Variants in SOX5 observed in about 807,000 individuals in gnomAD.
SOX5 encodes the protein SRY-box transcription factor 5, also known as transcription factor SOX-5.
Under a neutral mutation model 92.0 loss-of-function variants are expected in SOX5, and 9 were observed. That is an observed-to-expected ratio of 0.10 (90% CI 0.06 to 0.17). The LOEUF is 0.17. Ranked by LOEUF, SOX5 falls within the 10% of genes least tolerant of loss-of-function variation. The probability of loss-of-function intolerance (pLI) is 1.00; values close to 1 mark genes in which losing one functional copy is unlikely to be tolerated. For synonymous variants in SOX5, 344 were observed against 336.3 expected (o/e 1.02, Z -0.25); for missense variants, 642 against 944.5 (o/e 0.68, Z 4.20).
At chr12:24,538,496 C>T (rs1951835483) in intron 1 of SOX5, among the ~76,000 whole-genome samples, 1 of 151,930 alleles carries the variant, frequency 6.6e-6, no homozygotes, top group African/African-American at 2.4e-5. Context: ...CTATGTTCGC[C>T]GGTCAGATCA....
chr12:23,586,633 C>A (rs1028344146), intron 9 of SOX5, among the ~76,000 whole-genome samples: 21 of 144,330 alleles, frequency 1.5e-4, no homozygotes, highest in Non-Finnish European at 2.6e-4. Context: ...TTCTGTGAAT[C>A]CTTAGACCAC....
At chr12:24,095,141 AGAGAGAG>A (rs1569540866) in intron 4 of SOX5, among the ~76,000 whole-genome samples, 37 of 150,036 alleles carry the variant, frequency 2.5e-4, no homozygotes, top group African/African-American at 8.8e-4. Context: ...AGAGAGAGAG[AGAGAGAG>A]AGAGAGAGAC....
intron 13 of SOX5, among the ~76,000 whole-genome samples, chr12:23,540,845 T>C (rs1941876835): frequency 6.6e-6 from 1 of 152,204 alleles, no homozygotes; most frequent in Non-Finnish European, 1.5e-5. Context: ...CAGAATGAAT[T>C]AGCGGCATGC....
chr12:24,246,502 T>G (rs962364306), intron 3 of SOX5, among the ~76,000 whole-genome samples: 10 of 152,292 alleles, frequency 6.6e-5, no homozygotes, highest in African/African-American at 2.4e-4. Flanking sequence ...ATCAACTTTT[T>G]TTTTTTAATT....
chr12:24,428,921 A>G (rs12827962), intron 1 of SOX5, among the ~76,000 whole-genome samples: 19,472 of 152,032 alleles, frequency 0.13, 1,570 homozygotes, highest in Non-Finnish European at 0.18. Flanking sequence ...CTTATTAAGT[A>G]TGTGATCTTG....
intron 3 of SOX5, among the ~76,000 whole-genome samples, chr12:23,815,247 C>G (rs2095966054): frequency 6.6e-6 from 1 of 152,086 alleles, no homozygotes; most frequent in South Asian, 2.1e-4. Flanking sequence ...GAAATAAACA[C>G]CGGATAATTC....
intron 10 of SOX5, among the ~76,000 whole-genome samples, chr12:23,569,064 G>T (rs781752878): frequency 1.3e-5 from 2 of 152,128 alleles, no homozygotes; most frequent in Non-Finnish European, 2.9e-5. Context: ...GGTGGTGCTT[G>T]CCTGTAGTCC....
At chr12:23,890,875 A>G (rs1305897231) in intron 2 of SOX5, among the ~76,000 whole-genome samples, 1 of 152,210 alleles carries the variant, frequency 6.6e-6, no homozygotes, top group African/African-American at 2.4e-5. Flanking sequence ...ACTACCAATA[A>G]GAATAAAGCT....
intron 8 of SOX5, among the ~76,000 whole-genome samples, chr12:23,618,989 C>T (rs1266286134): frequency 6.6e-6 from 1 of 152,144 alleles, no homozygotes; most frequent in Admixed American, 6.5e-5. Flanking sequence ...AGTAGCAGAA[C>T]TCAACGCTCC....
intron 2 of SOX5, among the ~76,000 whole-genome samples, chr12:23,893,702 G>C (rs2097151120): frequency 6.6e-6 from 1 of 152,174 alleles, no homozygotes; most frequent in South Asian, 2.1e-4. Flanking sequence ...AAAGAGGACA[G>C]TGATGAAAGT....
intron 3 of SOX5, among the ~76,000 whole-genome samples, chr12:24,240,786 A>G (rs1206588699): frequency 6.6e-6 from 1 of 152,196 alleles, no homozygotes; most frequent in Admixed American, 6.5e-5. Context: ...TTACTATCAA[A>G]CAATATCTAC....
chr12:23,629,814 T>C (rs1425869917), intron 8 of SOX5, among the ~76,000 whole-genome samples: 2 of 152,018 alleles, frequency 1.3e-5, no homozygotes, highest in Non-Finnish European at 2.9e-5. Flanking sequence ...GATTCATCTT[T>C]GCATTTCTTA....
intron 1 of SOX5, among the ~76,000 whole-genome samples, chr12:24,437,561 A>G (rs1010366319): frequency 1.3e-5 from 2 of 152,200 alleles, no homozygotes; most frequent in Non-Finnish European, 2.9e-5. Context: ...AATATCCAGA[A>G]TCTACAAAGA....
intron 6 of SOX5, among the ~76,000 whole-genome samples, chr12:23,720,167 C>T (rs1317119647): frequency 6.6e-6 from 1 of 151,880 alleles, no homozygotes; most frequent in South Asian, 2.1e-4. Flanking sequence ...TGTTACAGCA[C>T]AAAACAGAAA....
chr12:24,073,152 C>A (rs1261916476), intron 4 of SOX5, among the ~76,000 whole-genome samples: 3 of 152,138 alleles, frequency 2.0e-5, no homozygotes, highest in Non-Finnish European at 4.4e-5. Context: ...AGGAAGGCAA[C>A]CACAGGCAAG....
intron 4 of SOX5, among the ~76,000 whole-genome samples, chr12:24,094,727 C>T (rs1047733294): frequency 3.3e-5 from 5 of 152,248 alleles, no homozygotes; most frequent in African/African-American, 1.2e-4. Flanking sequence ...TACTGAGCAA[C>T]CCATACTTTC....
In SOX5 at chr12:24,517,875, C is replaced by T. The variant is rs530905019; in HGVS notation, c.-251+44454G>A. The stretch of plus-strand genomic sequence containing the variant: ...ATGGACCTCTACAAAAATTTTGAAA[C>T]CTTCTTTATACCAATTCCTACTATT... On this transcript the variant is annotated intron_variant, in intron 1 of 4. Transcript: ENST00000446891. Among the ~76,000 whole-genome samples, 3 of 152,106 alleles carry T rather than the reference C, an allele frequency of 2.0e-5. No homozygotes were observed. The South Asian group carries it at 6.2e-4, about 32-fold the overall frequency.
chr12:24,129,873 T>C (rs1030794046), intron 4 of SOX5, among the ~76,000 whole-genome samples: 1 of 152,252 alleles, frequency 6.6e-6, no homozygotes, highest in Non-Finnish European at 1.5e-5. Context: ...TTTAGGTTTT[T>C]GTCCATTTGT....
intron 1 of SOX5, among the ~76,000 whole-genome samples, chr12:24,548,149 T>C (rs1036467514): frequency 2.0e-5 from 3 of 152,178 alleles, no homozygotes; most frequent in Admixed American, 6.5e-5. Flanking sequence ...AGGGCTCAAG[T>C]AAATAACCCA....
Sources: gnomAD v4.1 joint callset for allele counts (sites outside exome capture counted in the v4.1 genomes callset) on GRCh38, gnomAD v4.1.1 for gene constraint, MANE v1.5 for transcripts, NCBI Gene and HGNC (gene_info 2026-07-23, HGNC 2026-07-21) for gene names.